RNF169: variants seen among roughly 807,000 people sequenced by gnomAD.
The protein encoded by RNF169 is ring finger protein 169.
RNF169 carries 24 observed loss-of-function variants against 53.9 expected under a neutral mutation model. The ratio of observed to expected loss-of-function variants is 0.45; its 90% CI spans 0.32 to 0.63. The LOEUF (loss-of-function observed/expected upper bound fraction) is 0.63. Ranked by LOEUF, RNF169 falls within the 20% of genes least tolerant of loss-of-function variation. The pLI is 0.04. For synonymous variants in RNF169, 396 were observed against 363.5 expected (o/e 1.09, Z -1.02); for missense variants, 883 against 906.2 (o/e 0.97, Z 0.33).
intron 1 of RNF169, among the ~76,000 whole-genome samples, chr11:74,780,303 C>T (rs2035398510): frequency 6.6e-6 from 1 of 152,040 alleles, no homozygotes; most frequent in Non-Finnish European, 1.5e-5. Context: ...CTGTTCATTC[C>T]CTCTTTACTC....
chr11:74,831,595 A>G (rs1183144105), intron 4 of RNF169: 2 of 152,192 alleles, frequency 1.3e-5, no homozygotes, highest in Admixed American at 6.5e-5. Flanking sequence ...TTAGTGTAAC[A>G]TCTATTAAAA....
intron 1 of RNF169, among the ~76,000 whole-genome samples, chr11:74,755,182 T>C (rs780007147): frequency 6.6e-6 from 1 of 152,254 alleles, no homozygotes; most frequent in Non-Finnish European, 1.5e-5. Context: ...TTATGTGTTA[T>C]ACCAATACAG....
intron 3 of RNF169, among the ~76,000 whole-genome samples, chr11:74,811,117 G>T (rs1017527500): frequency 1.3e-5 from 2 of 151,980 alleles, no homozygotes; most frequent in Admixed American, 1.3e-4. Flanking sequence ...TGACAGGCAA[G>T]ATAGCAGAGT....
chr11:74,794,750 A>G (rs2035623235), intron 2 of RNF169, among the ~76,000 whole-genome samples: 1 of 152,164 alleles, frequency 6.6e-6, no homozygotes, highest in Non-Finnish European at 1.5e-5. Context: ...GGAGAGTGAC[A>G]GAGAGGGGTC....
chr11:74,809,397 C>T (rs2035845163), intron 2 of RNF169, among the ~76,000 whole-genome samples: 1 of 152,164 alleles, frequency 6.6e-6, no homozygotes, highest in Non-Finnish European at 1.5e-5. Context: ...GTTGCACTAT[C>T]CCTCTTTTGA....
At chr11:74,758,572 G>A (rs1435375129) in intron 1 of RNF169, among the ~76,000 whole-genome samples, 6 of 151,656 alleles carry the variant, frequency 4.0e-5, no homozygotes, top group Non-Finnish European at 8.9e-5. Context: ...CGGGATCTCG[G>A]CTCACTGCAA....
intron 4 of RNF169, among the ~76,000 whole-genome samples, chr11:74,826,865 C>G (rs4627109): frequency 6.6e-6 from 1 of 152,218 alleles, no homozygotes; most frequent in African/African-American, 2.4e-5. Context: ...GCAGCTCTGC[C>G]CCTGTGGCTT....
intron 2 of RNF169, among the ~76,000 whole-genome samples, chr11:74,794,299 T>G (rs143499083): frequency 2.0e-3 from 309 of 152,338 alleles, no homozygotes; most frequent in Non-Finnish European, 3.2e-3. Flanking sequence ...GATGGAGAGA[T>G]GCAGTAGATG....
intron 1 of RNF169, among the ~76,000 whole-genome samples, chr11:74,754,387 C>A (rs1177431689): frequency 2.0e-5 from 3 of 152,032 alleles, no homozygotes; most frequent in Non-Finnish European, 4.4e-5. Flanking sequence ...GATTTGAAAC[C>A]GAGACCTTTT....
chr11:74,774,521 G>C (rs2035304347), intron 1 of RNF169, among the ~76,000 whole-genome samples: 1 of 152,086 alleles, frequency 6.6e-6, no homozygotes, highest in East Asian at 1.9e-4. Flanking sequence ...CTTACCCATT[G>C]AACTCTTTTG....
At chr11:74,777,622 T>C (rs1474936561) in intron 1 of RNF169, among the ~76,000 whole-genome samples, 2 of 151,674 alleles carry the variant, frequency 1.3e-5, no homozygotes, top group African/African-American at 4.9e-5. Flanking sequence ...TACCTGCTTT[T>C]GCAAATCCTG....
intron 2 of RNF169, among the ~76,000 whole-genome samples, chr11:74,803,738 GGAA>G (rs1413399702): frequency 6.6e-6 from 1 of 152,008 alleles, no homozygotes; most frequent in Non-Finnish European, 1.5e-5. Flanking sequence ...CATAAAACTG[GGAA>G]GAATAATAAA....
At chr11:74,801,356 CCAGT>C (rs1474350938) in intron 2 of RNF169, among the ~76,000 whole-genome samples, 1 of 152,254 alleles carries the variant, frequency 6.6e-6, no homozygotes, top group East Asian at 1.9e-4. Context: ...GCAATAGTCA[CCAGT>C]CAGACCCTAT....
intron 1 of RNF169, among the ~76,000 whole-genome samples, chr11:74,757,091 C>T (rs2034995977): frequency 7.1e-6 from 1 of 140,016 alleles, no homozygotes; most frequent in Admixed American, 7.0e-5. Context: ...TGGTGCGCTG[C>T]ACCCACTAAC....
chr11:74,774,152 C>T (rs908608521), intron 1 of RNF169, among the ~76,000 whole-genome samples: 4 of 151,784 alleles, frequency 2.6e-5, no homozygotes, highest in African/African-American at 9.7e-5. Flanking sequence ...CCAGCCTGGC[C>T]AACATGGTGA....
intron 1 of RNF169, among the ~76,000 whole-genome samples, chr11:74,764,663 A>G (rs1565171273): frequency 6.6e-6 from 1 of 152,240 alleles, no homozygotes; most frequent in African/African-American, 2.4e-5. Flanking sequence ...AGAAAGTAGG[A>G]TATAAGAAGT....
intron 1 of RNF169, among the ~76,000 whole-genome samples, chr11:74,777,828 A>G (rs184811915): frequency 5.3e-4 from 81 of 152,022 alleles, no homozygotes; most frequent in African/African-American, 1.9e-3. Context: ...GAGTCTCATT[A>G]TGTTGTCTGG....
intron 1 of RNF169, among the ~76,000 whole-genome samples, chr11:74,767,790 G>A (rs1297267793): frequency 6.6e-6 from 1 of 151,876 alleles, no homozygotes; most frequent in Non-Finnish European, 1.5e-5. Context: ...TGTTAGCCAG[G>A]ATGGTCTCAA....
At chr11:74,779,278 C>T (rs180925307) in intron 1 of RNF169, among the ~76,000 whole-genome samples, 19 of 152,042 alleles carry the variant, frequency 1.2e-4, no homozygotes, top group African/African-American at 4.6e-4. Flanking sequence ...AGTACTTTGC[C>T]AAAGAATAGT....
Sources: allele counts gnomAD v4.1 joint callset (sites outside exome capture counted in the v4.1 genomes callset), GRCh38; gene constraint gnomAD v4.1.1; transcripts MANE v1.5; gene names NCBI Gene and HGNC (gene_info 2026-07-23, HGNC 2026-07-21).